Variants in DIS3L2 observed in about 807,000 individuals in gnomAD.
DIS3L2 encodes DIS3-like exonuclease 2.
A neutral mutation model predicts 97.5 loss-of-function variants in DIS3L2; 34 were observed. That is an observed-to-expected ratio of 0.35 (90% CI 0.27 to 0.46). The LOEUF (loss-of-function observed/expected upper bound fraction) is 0.46. Ranked by LOEUF, DIS3L2 falls within the 20% of genes least tolerant of loss-of-function variation. The probability of loss-of-function intolerance (pLI) is 1.00; values close to 1 mark genes in which losing one functional copy is unlikely to be tolerated. For synonymous variants in DIS3L2, 435 were observed against 445.2 expected, an observed-to-expected ratio of 0.98 and a Z score of 0.29; for missense variants, 1,038 against 1,146.0, an observed-to-expected ratio of 0.91 and a Z score of 1.36.
intron 14 of DIS3L2, among the ~76,000 whole-genome samples, chr2:232,318,352 G>A (rs574388032): frequency 4.6e-5 from 7 of 152,372 alleles, no homozygotes; most frequent in African/African-American, 1.7e-4. Context: ...TGGGTTGGAG[G>A]ACCAGTTTCG....
At chr2:231,982,922 C>T (rs1032380423) in intron 1 of DIS3L2, among the ~76,000 whole-genome samples, 3 of 152,092 alleles carry the variant, frequency 2.0e-5, no homozygotes, top group African/African-American at 7.2e-5. Flanking sequence ...TCAGATGATC[C>T]ACCCACCTCG....
intron 6 of DIS3L2, among the ~76,000 whole-genome samples, chr2:232,108,504 G>GCT (rs1697427008): frequency 1.3e-5 from 2 of 152,176 alleles, no homozygotes; most frequent in African/African-American, 4.8e-5. Flanking sequence ...AGACAAGGTT[G>GCT]CTCTCTCTCA....
chr2:232,054,079 T>C (rs1258207215), intron 5 of DIS3L2, among the ~76,000 whole-genome samples: 1 of 152,154 alleles, frequency 6.6e-6, no homozygotes, highest in African/African-American at 2.4e-5. Flanking sequence ...TCTCACCCCA[T>C]CACTAAGAAA....
chr2:231,989,118 T>C (rs546821425), intron 1 of DIS3L2, among the ~76,000 whole-genome samples: 1 of 152,146 alleles, frequency 6.6e-6, no homozygotes, highest in Non-Finnish European at 1.5e-5. Context: ...TGCGTGTAGA[T>C]AGTGGGTGAG....
At chr2:232,296,217 T>A (rs190920631) in intron 13 of DIS3L2, among the ~76,000 whole-genome samples, 10 of 152,360 alleles carry the variant, frequency 6.6e-5, no homozygotes, top group Non-Finnish European at 1.5e-4. Context: ...ACTTGTTGAC[T>A]CTTCCCTCTC....
At chr2:232,247,643 G>GGGGGC (rs1693298399) in intron 11 of DIS3L2, among the ~76,000 whole-genome samples, 2 of 53,836 alleles carry the variant, frequency 3.7e-5, no homozygotes, top group Admixed American at 1.7e-4. Context: ...GGGCGGGGGG[G>GGGGGC]AGGGTGCCAA....
At chr2:232,189,284 G>A (rs1420021610) in intron 9 of DIS3L2, among the ~76,000 whole-genome samples, 1 of 152,180 alleles carries the variant, frequency 6.6e-6, no homozygotes, top group Non-Finnish European at 1.5e-5. Flanking sequence ...AATTTCTATA[G>A]CAGTTTTACA....
At chr2:232,206,411 A>G (rs1692026913) in intron 9 of DIS3L2, among the ~76,000 whole-genome samples, 1 of 152,258 alleles carries the variant, frequency 6.6e-6, no homozygotes, top group African/African-American at 2.4e-5. Flanking sequence ...GCTGTCTGTC[A>G]CAACTGGTCA....
chr2:232,340,999 CGA>C (rs1696091300), downstream of DIS3L2: 1 of 462,562 alleles, frequency 2.2e-6, no homozygotes, highest in Non-Finnish European at 4.5e-6. Flanking sequence ...CATCGTGAAA[CGA>C]GAGGAGGTTG....
intron 8 of DIS3L2, among the ~76,000 whole-genome samples, chr2:232,145,576 A>G (rs903111878): frequency 6.6e-6 from 1 of 152,218 alleles, no homozygotes; most frequent in Non-Finnish European, 1.5e-5. Flanking sequence ...ATAAAAGTTC[A>G]GTTTTGAATA....
At chr2:232,238,181 A>G (rs1386444372) in intron 10 of DIS3L2, among the ~76,000 whole-genome samples, 1 of 152,130 alleles carries the variant, frequency 6.6e-6, no homozygotes, top group East Asian at 1.9e-4. Context: ...TTGGGGATTA[A>G]TTCACTTCTA....
intron 5 of DIS3L2, among the ~76,000 whole-genome samples, chr2:232,081,795 TTTTG>T (rs1472075811): frequency 2.6e-5 from 4 of 152,178 alleles, no homozygotes; most frequent in African/African-American, 9.7e-5. Flanking sequence ...CCTTTACTTT[TTTTG>T]TTTGTTTTGA....
At chr2:231,962,390 C>T (rs1222666199) in intron 1 of DIS3L2, among the ~76,000 whole-genome samples, 1 of 151,748 alleles carries the variant, frequency 6.6e-6, no homozygotes, top group African/African-American at 2.4e-5. Context: ...CAACCCACAT[C>T]CCCCATCTCT....
chr2:232,296,187 T>A (rs1694722210), intron 13 of DIS3L2, among the ~76,000 whole-genome samples: 1 of 152,256 alleles, frequency 6.6e-6, no homozygotes, highest in Non-Finnish European at 1.5e-5. Context: ...CCCTGCAGCC[T>A]GAGCCAGAGA....
chr2:232,200,747 A>G (rs1465988135), intron 9 of DIS3L2, among the ~76,000 whole-genome samples: 3 of 151,878 alleles, frequency 2.0e-5, no homozygotes, highest in African/African-American at 4.8e-5. Context: ...GCAAAAGTCA[A>G]GTCATCTAGA....
intron 8 of DIS3L2, among the ~76,000 whole-genome samples, chr2:232,161,672 C>T (rs778684029): frequency 5.3e-5 from 8 of 152,112 alleles, no homozygotes; most frequent in African/African-American, 1.9e-4. Context: ...GGTTTCACCA[C>T]GTTGGCCAGG....
chr2:232,300,965 C>T lies in DIS3L2; in HGVS notation c.1739+846C>T, dbSNP rs745756923. ...CACCACACCCAGCCACAGACTGCCT[C>T]CTTGACTGTGTATTTTCGTTTGTGA... is the stretch of plus-strand genomic sequence containing the variant. On this transcript the variant is annotated intron_variant, in intron 14 of 20. Transcript: ENST00000325385. Among the ~76,000 whole-genome samples, 77 of 142,800 alleles carry T rather than the reference C, an allele frequency of 5.4e-4. 1 individual carries two copies. Among genetic ancestry groups the T allele is most frequent in the Non-Finnish European group, 1.0e-3 (68 of 67,248 alleles). 93.7% of individuals were successfully genotyped at this position (142,800 alleles called of 152,430 possible).
chr2:232,006,949 A>T, intron 1 of DIS3L2, among the ~76,000 whole-genome samples: 1 of 152,196 alleles, frequency 6.6e-6, no homozygotes, highest in East Asian at 1.9e-4. Flanking sequence ...CATTATAGAG[A>T]AGATGATAGA....
intron 6 of DIS3L2, among the ~76,000 whole-genome samples, chr2:232,096,459 TTCTC>T (rs1411024860): frequency 6.6e-6 from 1 of 152,148 alleles, no homozygotes; most frequent in East Asian, 1.9e-4. Context: ...ATTAATGTCT[TTCTC>T]TAGGTTTGGG....
Sources: allele counts gnomAD v4.1 joint callset (sites outside exome capture counted in the v4.1 genomes callset), GRCh38; gene constraint gnomAD v4.1.1; transcripts MANE v1.5; gene names NCBI Gene and HGNC (gene_info 2026-07-23, HGNC 2026-07-21).